The following ANK3 variants were observed in gnomAD, a reference collection of about 807,000 sequenced individuals.
ANK3 encodes the protein ankyrin-3.
ANK3 carries 57 observed loss-of-function variants against 370.9 expected under a neutral mutation model. The ratio of observed to expected loss-of-function variants is 0.15; its 90% CI spans 0.12 to 0.19. The LOEUF is 0.19. Ranked by LOEUF, ANK3 falls within the 10% of genes least tolerant of loss-of-function variation. The pLI is 1.00. For synonymous variants in ANK3, 1,929 were observed against 1,946.3 expected, an observed-to-expected ratio of 0.99 and a Z score of 0.23; for missense variants, 4,439 against 5,302.1, an observed-to-expected ratio of 0.84 and a Z score of 5.06.
At chr10:60,341,452 C>T (rs1249917296) in intron 1 of ANK3, among the ~76,000 whole-genome samples, 2 of 152,054 alleles carry the variant, frequency 1.3e-5, no homozygotes, top group Non-Finnish European at 2.9e-5. Flanking sequence ...CCAGAAGCTA[C>T]CAATTAGGGC....
At chr10:60,059,738 T>C in intron 40 of ANK3, 1 of 1,614,066 alleles carries the variant, frequency 6.2e-7, no homozygotes, top group Non-Finnish European at 8.5e-7. Context: ...CTACATCCAC[T>C]GCTTCAGGCA....
Position 60,072,618 on chromosome 10 carries a change from T to C in ANK3, c.8263A>G (p.Lys2755Glu), listed in dbSNP as rs1361334742. The change falls in exon 37 of 44, where the codon AAG becomes GAG. Residue 2755 changes from lysine to glutamate, a missense_variant. Transcript: ENST00000280772. ...RIPVKKIQES[K>E]LPVYQVFARE... ...GCAAAAACTTGGTAGACGGGTAGCT[T>C]GCTCTCCTGTATTTTTTTAACTGGG... The C allele has an allele frequency of 6.2e-7, 1 of 1,614,100 alleles. No individual in the cohort carries two copies. Among genetic ancestry groups the C allele is most frequent in the Non-Finnish European group, 8.5e-7 (1 of 1,179,988 alleles).
chr10:60,717,584 G>A (rs1475165459), intron 1 of ANK3, among the ~76,000 whole-genome samples: 1 of 152,166 alleles, frequency 6.6e-6, no homozygotes, highest in Non-Finnish European at 1.5e-5. Flanking sequence ...CAAGCACTGA[G>A]CTTTACAATT....
chr10:60,057,099 T>C (rs2079337963), intron 41 of ANK3, among the ~76,000 whole-genome samples: 3 of 152,200 alleles, frequency 2.0e-5, no homozygotes, highest in Admixed American at 6.5e-5. Context: ...ATGTTTTCAG[T>C]CATGAATCCT....
chr10:60,130,727 T>C (rs1393975408), intron 25 of ANK3, among the ~76,000 whole-genome samples: 1 of 152,238 alleles, frequency 6.6e-6, no homozygotes, highest in Non-Finnish European at 1.5e-5. Context: ...TAGACACTTC[T>C]GTCTGCCAGC....
intron 2 of ANK3, among the ~76,000 whole-genome samples, chr10:60,494,571 T>C (rs1332876919): frequency 1.3e-5 from 2 of 152,176 alleles, no homozygotes; most frequent in East Asian, 1.9e-4. Context: ...GCTTGACATA[T>C]AGTTTGCGGT....
intron 2 of ANK3, among the ~76,000 whole-genome samples, chr10:60,422,538 G>A (rs2063800689): frequency 6.6e-6 from 1 of 151,952 alleles, no homozygotes. Flanking sequence ...CTTATCTTTT[G>A]GATTTCAGTT....
At chr10:60,177,449 T>C (rs2096001147) in intron 18 of ANK3, among the ~76,000 whole-genome samples, 1 of 152,164 alleles carries the variant, frequency 6.6e-6, no homozygotes. Context: ...CATAGTCCTC[T>C]TTCCCCAGCT....
At chr10:60,409,971 A>G (rs952952446) in intron 2 of ANK3, among the ~76,000 whole-genome samples, 10 of 152,048 alleles carry the variant, frequency 6.6e-5, no homozygotes, top group African/African-American at 2.4e-4. Context: ...ATCTCACTCC[A>G]TAGGTGCATC....
intron 1 of ANK3, among the ~76,000 whole-genome samples, chr10:60,304,272 A>C (rs1410276556): frequency 6.6e-6 from 1 of 152,034 alleles, no homozygotes; most frequent in Non-Finnish European, 1.5e-5. Flanking sequence ...ACACACACAC[A>C]CACACAGCAA....
At chr10:60,672,802 G>C (rs1324026632) in intron 1 of ANK3, among the ~76,000 whole-genome samples, 3 of 152,196 alleles carry the variant, frequency 2.0e-5, no homozygotes, top group Non-Finnish European at 1.5e-5. Flanking sequence ...CTGAGGGACA[G>C]TCTTGTGAGA....
chr10:60,169,426 CAG>C (rs2095719503), intron 21 of ANK3, among the ~76,000 whole-genome samples: 1 of 139,388 alleles, frequency 7.2e-6, no homozygotes, highest in Admixed American at 7.6e-5. Flanking sequence ...AGGAAGATCA[CAG>C]AGGAAAAGTG....
At position 60,150,382 on chromosome 10, in the gene ANK3, CCTAT is replaced by C. The variant is rs551073257; in HGVS notation, c.2615-11299_2615-11296del. ...GTGCAAAATTTCTGTGTGTCCAAATCCTATCTATTCTTTAAAATGCCTTTAAAGT... is the reference window on the plus strand; with the variant it reads ...GTGCAAAATTTCTGTGTGTCCAAATCCTATTCTTTAAAATGCCTTTAAAGT... On this transcript the variant is annotated intron_variant, in intron 23 of 43. Transcript: ENST00000280772. 4.1e-3 allele frequency among the ~76,000 whole-genome samples: 619 copies of C among 152,248 alleles called. 4 individuals are homozygous for C. Among genetic ancestry groups the C allele is most frequent in the African/African-American group, 0.014 (592 of 41,552 alleles).
At chr10:60,713,837 G>C (rs1226931522) in intron 1 of ANK3, among the ~76,000 whole-genome samples, 1 of 151,834 alleles carries the variant, frequency 6.6e-6, no homozygotes, top group African/African-American at 2.4e-5. Flanking sequence ...CTACAGTGCA[G>C]CCTGGGCAAC....
chr10:60,485,683 G>A (rs2075329561), intron 2 of ANK3, among the ~76,000 whole-genome samples: 2 of 152,180 alleles, frequency 1.3e-5, no homozygotes, highest in South Asian at 4.1e-4. Flanking sequence ...AAAATTAGGT[G>A]TGGGCATTGT....
At chr10:60,466,900 G>A (rs1331443381) in intron 2 of ANK3, among the ~76,000 whole-genome samples, 2 of 152,124 alleles carry the variant, frequency 1.3e-5, no homozygotes, top group Admixed American at 6.5e-5. Context: ...GTCACCTATA[G>A]GGCTGGGAAA....
intron 2 of ANK3, among the ~76,000 whole-genome samples, chr10:60,451,442 G>A (rs1343235752): frequency 1.3e-5 from 2 of 152,212 alleles, no homozygotes; most frequent in Non-Finnish European, 2.9e-5. Context: ...TGGAACTCAA[G>A]TCTTCTGGCA....
chr10:60,567,245 G>A (rs1294646127), intron 2 of ANK3, among the ~76,000 whole-genome samples: 2 of 152,144 alleles, frequency 1.3e-5, no homozygotes, highest in African/African-American at 2.4e-5. Flanking sequence ...TCAAAGGACA[G>A]GCTGACTTTC....
intron 1 of ANK3, among the ~76,000 whole-genome samples, chr10:60,678,134 G>C (rs948436442): frequency 6.6e-6 from 1 of 152,158 alleles, no homozygotes; most frequent in African/African-American, 2.4e-5. Flanking sequence ...GTACACAAAG[G>C]CAATGATAAA....
Sources: allele counts gnomAD v4.1 joint callset (sites outside exome capture counted in the v4.1 genomes callset), GRCh38; gene constraint gnomAD v4.1.1; transcripts MANE v1.5; gene names NCBI Gene and HGNC (gene_info 2026-07-23, HGNC 2026-07-21).